Variants in ABLIM1 observed in about 807,000 individuals in gnomAD.
ABLIM1 encodes actin binding LIM protein 1, also known as actin-binding LIM protein 1.
In ABLIM1, 40 loss-of-function variants were observed where a neutral mutation model predicts 107.0. That is an observed-to-expected ratio of 0.37 (90% CI 0.29 to 0.49). ABLIM1 has a LOEUF of 0.49. Ranked by LOEUF, ABLIM1 falls within the 20% of genes least tolerant of loss-of-function variation. The pLI is 0.97. For synonymous variants in ABLIM1, 357 were observed against 357.3 expected, an observed-to-expected ratio of 1.00 and a Z score of 0.01; for missense variants, 857 against 1,008.5, an observed-to-expected ratio of 0.85 and a Z score of 2.04.
chr10:114,645,275 C>T (rs947769474), intron 1 of ABLIM1, among the ~76,000 whole-genome samples: 1 of 152,106 alleles, frequency 6.6e-6, no homozygotes, highest in Admixed American at 6.5e-5. Context: ...AGCTTCCTCA[C>T]CCCTTGGCTG....
chr10:114,547,322 G>A (rs551480593), intron 5 of ABLIM1, among the ~76,000 whole-genome samples: 6 of 152,274 alleles, frequency 3.9e-5, no homozygotes, highest in Admixed American at 1.3e-4. Context: ...CCTGGAAGGA[G>A]AACAAAGGCT....
intron 6 of ABLIM1, among the ~76,000 whole-genome samples, chr10:114,510,369 C>A (rs1254396857): frequency 6.6e-6 from 1 of 152,074 alleles, no homozygotes; most frequent in Non-Finnish European, 1.5e-5. Flanking sequence ...GCATGTATTT[C>A]TTGACTTGAA....
At chr10:114,471,454 C>T (rs1311766424) in intron 10 of ABLIM1, among the ~76,000 whole-genome samples, 3 of 152,242 alleles carry the variant, frequency 2.0e-5, no homozygotes, top group South Asian at 4.1e-4. Flanking sequence ...CTCTTATGCC[C>T]TACGAAACTC....
intron 8 of ABLIM1, among the ~76,000 whole-genome samples, chr10:114,475,228 T>G (rs1009746702): frequency 4.6e-5 from 7 of 152,192 alleles, no homozygotes; most frequent in African/African-American, 1.7e-4. Context: ...TCATCCTCGC[T>G]TACTGCTCCC....
rs369952218 is a variant in ABLIM1 at position 114,704,302 on chromosome 10, CTATATATATATATATATA to C, written c.-213+63741_-213+63758del. 4.6e-3 allele frequency among the ~76,000 whole-genome samples: 199 copies of C among 43,104 alleles called. 4 individuals are homozygous for C. Among genetic ancestry groups the C allele is most frequent in the South Asian group, 0.032 (25 of 788 alleles). The allele number at this position is 43,104 out of a possible 152,430, so 28.3% of individuals were successfully genotyped here. A position where few individuals can be genotyped will look rare whatever the true frequency, so the allele number is the denominator to read the frequency against. ...TCTCTCTCTCTCTCTCTCTCTCTCT[CTATATATATATATATATA>C]TATATATATATATATTGCGCGCGTT... On this transcript the variant is annotated intron_variant, in intron 1 of 15. Coordinates refer to the ABLIM1 transcript ENST00000651092.
At chr10:114,531,168 G>A (rs1283522663) in intron 6 of ABLIM1, among the ~76,000 whole-genome samples, 1 of 152,180 alleles carries the variant, frequency 6.6e-6, no homozygotes, top group Non-Finnish European at 1.5e-5. Context: ...ACAGAGATGG[G>A]TGAGCCTGAC....
intron 3 of ABLIM1, 26 bp from the exon 4 acceptor site, chr10:114,571,432 A>G (rs368401325): frequency 1.4e-5 from 23 of 1,601,838 alleles, no homozygotes; most frequent in African/African-American, 1.3e-5. Context: ...CATCGCCCTC[A>G]AGGTTATTGC....
chr10:114,751,154 C>T (rs183465882), intron 1 of ABLIM1, among the ~76,000 whole-genome samples: 1 of 152,054 alleles, frequency 6.6e-6, no homozygotes. Flanking sequence ...TCTCATTGCT[C>T]TTTGCCAAAA....
At chr10:114,670,401 T>C (rs2080200043) in intron 1 of ABLIM1, among the ~76,000 whole-genome samples, 1 of 152,234 alleles carries the variant, frequency 6.6e-6, no homozygotes, top group South Asian at 2.1e-4. Flanking sequence ...GATACATATA[T>C]TAGAGAAAAC....
intron 6 of ABLIM1, among the ~76,000 whole-genome samples, chr10:114,495,159 C>T (rs1394878201): frequency 6.6e-6 from 1 of 152,118 alleles, no homozygotes; most frequent in Non-Finnish European, 1.5e-5. Context: ...AAGGAAGGGA[C>T]CCTCACATTC....
At chr10:114,666,282 T>C (rs2080022357) in intron 1 of ABLIM1, among the ~76,000 whole-genome samples, 1 of 152,192 alleles carries the variant, frequency 6.6e-6, no homozygotes, top group Non-Finnish European at 1.5e-5. Flanking sequence ...ACTTTACCTA[T>C]ATGTTTAAAA....
chr10:114,717,827 C>G (rs977961261), intron 1 of ABLIM1, among the ~76,000 whole-genome samples: 1 of 149,786 alleles, frequency 6.7e-6, no homozygotes, highest in Non-Finnish European at 1.5e-5. Flanking sequence ...GCAGGAGGAT[C>G]GCTTAAGCCT....
chr10:114,548,294 T>C (rs933813468), intron 4 of ABLIM1, among the ~76,000 whole-genome samples: 3 of 152,208 alleles, frequency 2.0e-5, no homozygotes, highest in African/African-American at 7.2e-5. Flanking sequence ...AGATTTGTGA[T>C]CATCAATTAA....
In ABLIM1 at chr10:114,720,281, C is replaced by T. The variant is rs188900875; in HGVS notation, c.-213+47780G>A. The stretch of plus-strand genomic sequence containing the variant: ...CTTTATCCAGTCTATCATTGATGGG[C>T]ACTTGGGTTGATTCCATGTCTTTGC... On this transcript the variant is annotated intron_variant, in intron 1 of 15. Coordinates refer to the ABLIM1 transcript ENST00000651092. Among the ~76,000 whole-genome samples the T allele has an allele frequency of 3.2e-3, 490 of 152,228 alleles. 2 individuals carry two copies. Among genetic ancestry groups the T allele is most frequent in the African/African-American group, 0.011 (473 of 41,518 alleles).
chr10:114,745,913 T>C (rs1020890662), intron 1 of ABLIM1, among the ~76,000 whole-genome samples: 1 of 152,180 alleles, frequency 6.6e-6, no homozygotes, highest in Non-Finnish European at 1.5e-5. Flanking sequence ...AGGAAGATTA[T>C]TACTGAATAT....
At chr10:114,597,116 G>A (rs1041370522) in intron 2 of ABLIM1, among the ~76,000 whole-genome samples, 10 of 152,154 alleles carry the variant, frequency 6.6e-5, no homozygotes, top group African/African-American at 1.4e-4. Context: ...CTCAGTACCC[G>A]AACATCGCCA....
At chr10:114,613,828 C>T (rs1482050814) in intron 1 of ABLIM1, 1 of 1,009,556 alleles carries the variant, frequency 9.9e-7, no homozygotes, top group Non-Finnish European at 1.3e-6. Context: ...CTCCTTCAAG[C>T]TCTCTTATGA....
At chr10:114,662,691 G>C (rs905700293), upstream of ABLIM1, among the ~76,000 whole-genome samples, 5 of 152,146 alleles carry the variant, frequency 3.3e-5, no homozygotes, top group African/African-American at 4.8e-5. Flanking sequence ...GCTCAAAATG[G>C]AACAAGCAGC....
At chr10:114,516,867 A>T (rs2062909696) in intron 6 of ABLIM1, among the ~76,000 whole-genome samples, 1 of 151,902 alleles carries the variant, frequency 6.6e-6, no homozygotes, top group Non-Finnish European at 1.5e-5. Flanking sequence ...ATATGCAAAC[A>T]CTCTTCTCAT....
Sources: allele counts gnomAD v4.1 joint callset (sites outside exome capture counted in the v4.1 genomes callset), GRCh38; gene constraint gnomAD v4.1.1; transcripts MANE v1.5; gene names NCBI Gene and HGNC (gene_info 2026-07-23, HGNC 2026-07-21).